The following SETD3 variants were observed in gnomAD, a reference collection of about 807,000 sequenced individuals.
The protein encoded by SETD3 is SET domain containing 3, actin N3(tau)-histidine methyltransferase, also known as actin-histidine N-methyltransferase.
SETD3 carries 19 observed loss-of-function variants against 63.0 expected under a neutral mutation model. That is an observed-to-expected ratio of 0.30 (90% CI 0.21 to 0.44). The LOEUF (loss-of-function observed/expected upper bound fraction) is 0.44, where lower values mean the gene tolerates loss of function less well. Ranked by LOEUF, SETD3 falls within the 20% of genes least tolerant of loss-of-function variation. The pLI is 1.00. For synonymous variants in SETD3, 286 were observed against 264.1 expected (o/e 1.08, Z -0.80); for missense variants, 587 against 728.5 (o/e 0.81, Z 2.24).
In SETD3 at chr14:99,479,126, G is replaced by A. The variant is rs28548155; in HGVS notation, c.-9+1602C>T. ...AGCACTGAGATGTTAGCACACTGGA[G>A]AAGCAACCATTTTACTCCTTCAGAC... On this transcript the variant is annotated intron_variant, in intron 1 of 12. Transcript: ENST00000331768. Among the ~76,000 whole-genome samples the A allele has an allele frequency of 4.1e-3, 622 of 152,302 alleles. 3 individuals are homozygous for A. Among genetic ancestry groups the A allele is most frequent in the African/African-American group, 0.013 (558 of 41,566 alleles).
rs541832949 is a variant in SETD3, at chr14:99,439,216, C to T, written c.675+19063G>A. ...CACAACAGGCTTCTCAGCTCCAGGGCTGTGCCCTCTGAGAGGCAAAGGCTG... is the reference window on the plus strand; with the variant it reads ...CACAACAGGCTTCTCAGCTCCAGGGTTGTGCCCTCTGAGAGGCAAAGGCTG... On this transcript the variant is annotated intron_variant, in intron 6 of 12. Coordinates refer to ENST00000331768, the MANE Select transcript of SETD3 (RefSeq NM_032233.3). Among the ~76,000 whole-genome samples, 15 of 152,342 alleles carry T rather than the reference C, an allele frequency of 9.8e-5. No individual in the cohort carries two copies. The East Asian group carries it at 2.7e-3, about 28-fold the overall frequency.
chr14:99,461,491 C>G (rs965542667), intron 3 of SETD3, 151 bp from the exon 4 acceptor site: 1 of 721,866 alleles, frequency 1.4e-6, no homozygotes, highest in Non-Finnish European at 2.3e-6. Context: ...CAGATGGTCA[C>G]AGTACATACC....
chr14:99,479,973 T>C (rs1457982516), intron 1 of SETD3, among the ~76,000 whole-genome samples: 3 of 148,450 alleles, frequency 2.0e-5, no homozygotes, highest in Admixed American at 6.7e-5. Flanking sequence ...AAGACAAGAG[T>C]TGCATCGCCG....
At chr14:99,470,826 G>A (rs968681983) in intron 1 of SETD3, among the ~76,000 whole-genome samples, 9 of 152,284 alleles carry the variant, frequency 5.9e-5, no homozygotes, top group Admixed American at 2.6e-4. Context: ...GCACCTTGAA[G>A]GCAGACGCCC....
intron 9 of SETD3, 39 bp downstream of exon 9, chr14:99,406,477 C>A (rs1390764035): frequency 1.3e-6 from 2 of 1,595,832 alleles, no homozygotes; most frequent in Admixed American, 3.3e-5. Flanking sequence ...TTAGTGCCCA[C>A]TGGCTGGCTC....
chr14:99,438,187 T>C (rs1325211292), intron 6 of SETD3, among the ~76,000 whole-genome samples: 7 of 152,262 alleles, frequency 4.6e-5, no homozygotes, highest in Non-Finnish European at 8.8e-5. Context: ...AAATCTGCTC[T>C]TTCTGACAGC....
rs1267343931 is a variant in SETD3, at chr14:99,461,200, C to T, written c.337G>A (p.Asp113Asn). Residue 113 changes from aspartate to asparagine, a missense_variant, in exon 4 of 13, where the codon GAT becomes AAT. Transcript: ENST00000331768. ...ACATTTTATAAACTCACCTTGATAT[C>T]TCTTGTTGCTCTCAAACCAAAGCCC... ...EEGFGLRATR[D>N]IKAEELFLWV... is the part of the protein sequence containing the mutation. The T allele has an allele frequency of 1.9e-6, 3 of 1,613,784 alleles. No homozygotes were observed. Among genetic ancestry groups the T allele is most frequent in the Non-Finnish European group, 1.7e-6 (2 of 1,179,946 alleles).
intron 6 of SETD3, among the ~76,000 whole-genome samples, chr14:99,426,567 G>A (rs1156533803): frequency 6.6e-6 from 1 of 152,136 alleles, no homozygotes; most frequent in South Asian, 2.1e-4. Flanking sequence ...CTCTCCTGCT[G>A]GACCTGGCAA....
chr14:99,436,375 T>A (rs942409795), intron 6 of SETD3, among the ~76,000 whole-genome samples: 3 of 152,090 alleles, frequency 2.0e-5, no homozygotes, highest in Non-Finnish European at 4.4e-5. Context: ...TTTTCCATCA[T>A]CCAGAAACAG....
chr14:99,414,945 A>G (rs1892210128), intron 6 of SETD3, among the ~76,000 whole-genome samples: 1 of 152,236 alleles, frequency 6.6e-6, no homozygotes, highest in African/African-American at 2.4e-5. Flanking sequence ...ACTGTAATTT[A>G]TCATCGCTCA....
At chr14:99,423,285 T>C (rs7155101) in intron 6 of SETD3, among the ~76,000 whole-genome samples, 6,316 of 152,112 alleles carry the variant, frequency 0.042, 441 homozygotes, top group African/African-American at 0.14. Context: ...CATATTACCC[T>C]GAAATTTGAC....
chr14:99,405,379 G>T lies in SETD3; in HGVS notation c.925-8C>A, dbSNP rs1261394576. ...GCCATAAAAAATGTAAATCTGAGAT[G>T]CAGTAAAGAAAAAAGAAAAGGGCAT... On this transcript the variant is annotated splice_region_variant and splice_polypyrimidine_tract_variant and intron_variant, in intron 9 of 12. Transcript: ENST00000331768. The T allele has an allele frequency of 1.9e-6, 3 of 1,608,026 alleles. No individual in the cohort carries two copies. In the East Asian group the frequency reaches 6.7e-5, roughly 36 times the overall value.
intron 1 of SETD3, among the ~76,000 whole-genome samples, chr14:99,476,239 A>G (rs1402825793): frequency 6.6e-6 from 1 of 152,240 alleles, no homozygotes; most frequent in African/African-American, 2.4e-5. Context: ...GACAAATCTT[A>G]CTGATAATAA....
At chr14:99,474,300 G>A (rs892460866) in intron 1 of SETD3, among the ~76,000 whole-genome samples, 6 of 152,170 alleles carry the variant, frequency 3.9e-5, no homozygotes, top group Admixed American at 1.3e-4. Context: ...ACTCCAGCCT[G>A]GGCGACAGAG....
Position 99,458,531 on chromosome 14 carries a change from G to C in SETD3, c.423C>G (p.Pro141=), listed in dbSNP as rs145982994. 1 of 1,613,842 alleles carries C rather than the reference G, an allele frequency of 6.2e-7. No homozygotes were observed. Among genetic ancestry groups the C allele is most frequent in the South Asian group, 1.1e-5 (1 of 91,052 alleles). The stretch of plus-strand genomic sequence containing the variant: ...GAAGGATTCGGTCTTGAGAATATAA[G>C]GGCCCTGAATTAACCCAGAAGTTAA... ...VESAKNSVLG[P]LYSQDRILQA... Residue 141 remains proline, a synonymous_variant, in exon 6 of 13, where the codon CCC becomes CCG. Coordinates refer to ENST00000331768, the MANE Select transcript of SETD3 (RefSeq NM_032233.3).
intron 6 of SETD3, among the ~76,000 whole-genome samples, chr14:99,427,129 A>G (rs574204969): frequency 5.2e-4 from 79 of 152,330 alleles, no homozygotes; most frequent in African/African-American, 1.9e-3. Context: ...TCATTTTGCA[A>G]ATTAACCTTT....
chr14:99,435,734 ACCC>A (rs939261334), intron 6 of SETD3, among the ~76,000 whole-genome samples: 10 of 112,198 alleles, frequency 8.9e-5, no homozygotes, highest in Admixed American at 2.9e-4. Flanking sequence ...CAGGTTCCCC[ACCC>A]CCCCACCTTT....
intron 6 of SETD3, among the ~76,000 whole-genome samples, chr14:99,432,235 A>C (rs1893223494): frequency 6.6e-6 from 1 of 152,246 alleles, no homozygotes; most frequent in African/African-American, 2.4e-5. Flanking sequence ...CACTGAGTGC[A>C]AAGAACCCGT....
intron 6 of SETD3, among the ~76,000 whole-genome samples, chr14:99,420,854 G>A (rs1478789560): frequency 5.7e-5 from 8 of 141,414 alleles, no homozygotes; most frequent in Non-Finnish European, 6.0e-5. Flanking sequence ...CACACCCTTC[G>A]AAGAGGTGAG....
Sources: allele counts gnomAD v4.1 joint callset (sites outside exome capture counted in the v4.1 genomes callset), GRCh38; gene constraint gnomAD v4.1.1; transcripts MANE v1.5; gene names NCBI Gene and HGNC (gene_info 2026-07-23, HGNC 2026-07-21).